Variants in PECAM1 observed in about 807,000 individuals in gnomAD.
PECAM1 encodes the protein platelet and endothelial cell adhesion molecule 1, also known as platelet endothelial cell adhesion molecule.
In PECAM1, 8 loss-of-function variants were observed where a neutral mutation model predicts 13.8. The observed-to-expected ratio is 0.58, with a 90% CI of 0.34 to 1.05. The LOEUF is 1.05. Among genes scored for constraint, PECAM1 ranks in the 50% least tolerant of loss-of-function variants. PECAM1 has a pLI of 0.03. For missense variants in PECAM1, 304 were observed against 141.2 expected, an observed-to-expected ratio of 2.15 and a Z score of -5.84; for synonymous variants, 136 against 52.6, an observed-to-expected ratio of 2.58 and a Z score of -6.86.
chr17:64,325,038 C>T (rs782230635), intron 15 of PECAM1, among the ~76,000 whole-genome samples: 1 of 152,196 alleles, frequency 6.6e-6, no homozygotes, highest in African/African-American at 2.4e-5. Flanking sequence ...GCAATGTGAA[C>T]GGACCTAATG....
At chr17:64,377,627 A>G (rs2036391605) in intron 3 of PECAM1, 197 bp downstream of exon 3, 1 of 384,658 alleles carries the variant, frequency 2.6e-6, no homozygotes, top group Non-Finnish European at 4.6e-6. Context: ...AAAGGAAGGA[A>G]GGAAGGAAGG....
intron 4 of PECAM1, among the ~76,000 whole-genome samples, chr17:64,371,481 G>A (rs2036235707): frequency 6.6e-6 from 1 of 152,022 alleles, no homozygotes; most frequent in Non-Finnish European, 1.5e-5. Flanking sequence ...AGACCAGCCT[G>A]GGAAACAATG....
chr17:64,333,675 T>TA (rs1246858113), intron 14 of PECAM1, among the ~76,000 whole-genome samples: 15 of 146,146 alleles, frequency 1.0e-4, no homozygotes, highest in Admixed American at 2.7e-4. Context: ...TTGTAAAAAG[T>TA]AAAAAAAAAA....
chr17:64,356,913 T>C (rs2035859529), intron 7 of PECAM1, among the ~76,000 whole-genome samples: 1 of 152,208 alleles, frequency 6.6e-6, no homozygotes, highest in Non-Finnish European at 1.5e-5. Flanking sequence ...TGCACTCTTT[T>C]GTAGTCACAA....
intron 12 of PECAM1, among the ~76,000 whole-genome samples, chr17:64,349,254 G>T (rs2035655473): frequency 6.6e-6 from 1 of 152,032 alleles, no homozygotes; most frequent in African/African-American, 2.4e-5. Context: ...TAAAGAATAG[G>T]GATTCTCATC....
intron 14 of PECAM1, among the ~76,000 whole-genome samples, chr17:64,333,529 G>A (rs2035184332): frequency 2.0e-5 from 3 of 152,096 alleles, no homozygotes; most frequent in African/African-American, 7.2e-5. Flanking sequence ...TCCACGAGAC[G>A]CAGTAGCATT....
chr17:64,378,201 G>C, intron 2 of PECAM1, 84 bp from the exon 3 acceptor site: 1 of 414,876 alleles, frequency 2.4e-6, no homozygotes, highest in Non-Finnish European at 4.3e-6. Context: ...ATCAGATGTG[G>C]TCTTATCCCA....
intron 7 of PECAM1, among the ~76,000 whole-genome samples, chr17:64,359,080 G>A (rs2035913278): frequency 6.6e-6 from 1 of 152,102 alleles, no homozygotes; most frequent in Admixed American, 6.6e-5. Context: ...TTACAGGTGT[G>A]AGCTACCTCA....
At chr17:64,339,836 G>T (rs2143724559) in intron 14 of PECAM1, among the ~76,000 whole-genome samples, 1 of 152,276 alleles carries the variant, frequency 6.6e-6, no homozygotes, top group Non-Finnish European at 1.5e-5. Flanking sequence ...GGTCCTCAGA[G>T]AATTGGATGG....
chr17:64,337,127 G>A (rs2035300436), intron 14 of PECAM1, among the ~76,000 whole-genome samples: 1 of 152,004 alleles, frequency 6.6e-6, no homozygotes, highest in Non-Finnish European at 1.5e-5. Context: ...CAGGTGGGTT[G>A]GAGGCACAGC....
intron 2 of PECAM1, among the ~76,000 whole-genome samples, chr17:64,389,403 G>A (rs1282921161): frequency 1.3e-5 from 2 of 152,178 alleles, no homozygotes; most frequent in Non-Finnish European, 2.9e-5. Context: ...AAAATTAGCT[G>A]TAAAGTGGAA....
intron 4 of PECAM1, among the ~76,000 whole-genome samples, chr17:64,373,845 T>C (rs2036296631): frequency 1.3e-5 from 2 of 152,114 alleles, no homozygotes; most frequent in Non-Finnish European, 2.9e-5. Context: ...AATATCTACA[T>C]GGGTGTGCCT....
chr17:64,332,367 TTC>T (rs1373482589), intron 14 of PECAM1, among the ~76,000 whole-genome samples: 1 of 52,894 alleles, frequency 1.9e-5, no homozygotes, highest in Non-Finnish European at 5.3e-5. Flanking sequence ...TGGAACCTCT[TTC>T]CCAACAGCGA....
At chr17:64,345,099 G>A (rs1386704132) in intron 13 of PECAM1, among the ~76,000 whole-genome samples, 1 of 152,116 alleles carries the variant, frequency 6.6e-6, no homozygotes, top group Non-Finnish European at 1.5e-5. Context: ...TGATCCTCTC[G>A]CCTCTGCCTC....
chr17:64,347,595 A>C (rs2035605620), intron 13 of PECAM1, among the ~76,000 whole-genome samples: 1 of 141,694 alleles, frequency 7.1e-6, no homozygotes, highest in South Asian at 2.1e-4. Context: ...TAAATATAAA[A>C]ATATTATATA....
In PECAM1 at chr17:64,322,029, G is replaced by GGT. The variant is rs2034819647; in HGVS notation, c.*1785_*1786dup. ...GTATGACATTTTCGTGATACAACTC[G>GGT]GTGTGTGTGTGTTGGGGAAAGGAAC... On this transcript the variant is annotated 3_prime_UTR_variant, in exon 16 of 16. Coordinates refer to ENST00000563924, the MANE Select transcript of PECAM1 (RefSeq NM_000442.5). 6 of 1,190,400 alleles carry GGT rather than the reference G, an allele frequency of 5.0e-6. No individual in the cohort carries two copies. The highest frequency in any genetic ancestry group is 6.0e-5 in the East Asian group (1 of 16,568). The allele number at this position is 1,190,400 out of a possible 1,614,324, so 73.7% of individuals were successfully genotyped here.
At chr17:64,345,947 C>A (rs2035555892) in intron 13 of PECAM1, among the ~76,000 whole-genome samples, 1 of 152,158 alleles carries the variant, frequency 6.6e-6, no homozygotes, top group South Asian at 2.1e-4. Flanking sequence ...TGCTGACACT[C>A]AGCCCAGGCT....
intron 4 of PECAM1, chr17:64,370,320 G>A (rs2036213064): frequency 4.2e-6 from 1 of 237,638 alleles, no homozygotes; most frequent in Non-Finnish European, 8.1e-6. Flanking sequence ...AATAACCACA[G>A]TATTTAGAAA....
At chr17:64,361,149 G>GTGTGTGTGTGTGTGTGTGTA (rs2035967707) in intron 6 of PECAM1, among the ~76,000 whole-genome samples, 2 of 150,900 alleles carry the variant, frequency 1.3e-5, no homozygotes, top group African/African-American at 4.9e-5. Flanking sequence ...GTGTGTGTGT[G>GTGTGTGTGTGTGTGTGTGTA]TGTGTGTGTG....
Sources: gnomAD v4.1 joint callset for allele counts (sites outside exome capture counted in the v4.1 genomes callset) on GRCh38, gnomAD v4.1.1 for gene constraint, MANE v1.5 for transcripts, NCBI Gene and HGNC (gene_info 2026-07-23, HGNC 2026-07-21) for gene names.